The following BCAS3 variants were observed in gnomAD, a reference collection of about 807,000 sequenced individuals.
The protein encoded by BCAS3 is BCAS4/BCAS3 fusion.
A neutral mutation model predicts 116.1 loss-of-function variants in BCAS3; 53 were observed. The ratio of observed to expected loss-of-function variants is 0.46; its 90% CI spans 0.37 to 0.57. The LOEUF is 0.57. BCAS3 is among the 20% of genes least tolerant of loss of function. The probability of loss-of-function intolerance (pLI) is 0.00; values close to 1 mark genes in which losing one functional copy is unlikely to be tolerated. For missense variants in BCAS3, 917 were observed against 1,165.4 expected, an observed-to-expected ratio of 0.79 and a Z score of 3.10; for synonymous variants, 391 against 408.2, an observed-to-expected ratio of 0.96 and a Z score of 0.51.
intron 6 of BCAS3, among the ~76,000 whole-genome samples, chr17:60,783,806 C>T (rs1242255586): frequency 6.6e-6 from 1 of 152,124 alleles, no homozygotes; most frequent in Non-Finnish European, 1.5e-5. Context: ...TACAGAGTTT[C>T]CACATTAGTA....
intron 22 of BCAS3, among the ~76,000 whole-genome samples, chr17:61,264,344 A>T (rs1825531995): frequency 6.6e-6 from 1 of 151,984 alleles, no homozygotes; most frequent in Non-Finnish European, 1.5e-5. Flanking sequence ...AAAAATCATG[A>T]TATATTCATT....
At position 61,233,121 on chromosome 17, in the gene BCAS3, TA is replaced by T. The variant is rs1460999032; in HGVS notation, c.2426-135201del. 6.6e-6 allele frequency among the ~76,000 whole-genome samples: 1 copy of T among 152,184 alleles called. No individual in the cohort carries two copies. The highest frequency in any genetic ancestry group is 1.5e-5 in the Non-Finnish European group (1 of 68,036). ...GAGGGTGATAAACTTTGTTACCACT[TA>T]AAAAGGGGCTAAAAATACTTCTTTT... On this transcript the variant is annotated intron_variant, in intron 22 of 23. Transcript: ENST00000407086. The surrounding 1 kb of genome is among the most constrained non-coding windows in gnomAD (Gnocchi z 4.3).
Position 60,964,861 on chromosome 17 carries a change from G to T in BCAS3, c.1221+17509G>T, listed in dbSNP as rs2061575673. On this transcript the variant is annotated intron_variant, in intron 14 of 23. Transcript: ENST00000407086. This position sits in a 1 kb window ranked among gnomAD's most constrained non-coding sequence, Gnocchi z 4.6. Reference sequence around the variant, plus strand: ...TCATAGTAGTCTCTAATGATTTTTTGTGTTTCTGAGGTCTCAGTTGTTATG... The same window carrying T: ...TCATAGTAGTCTCTAATGATTTTTTTTGTTTCTGAGGTCTCAGTTGTTATG... 6.6e-6 allele frequency among the ~76,000 whole-genome samples: 1 copy of T among 151,926 alleles called. No individual in the cohort carries two copies. The highest frequency in any genetic ancestry group is 6.6e-5 in the Admixed American group (1 of 15,248).
rs2063665209 is a variant in BCAS3, at chr17:60,993,603, G to A, written c.1486+3368G>A. ...CTTCATGTTTTTTTGTATCTTACAT[G>A]TCATAACAAAATGGGCATTGTTGGT... On this transcript the variant is annotated intron_variant, in intron 15 of 23. Coordinates refer to ENST00000407086, the MANE Select transcript of BCAS3 (RefSeq NM_017679.5). This position sits in a 1 kb window ranked among gnomAD's most constrained non-coding sequence, Gnocchi z 4.2. Among the ~76,000 whole-genome samples the A allele has an allele frequency of 6.6e-6, 1 of 152,094 alleles. No individual in the cohort carries two copies. The highest frequency in any genetic ancestry group is 2.1e-4 in the South Asian group (1 of 4,820).
Position 60,945,947 on chromosome 17 carries a change from C to T in BCAS3, c.1088-1272C>T, listed in dbSNP as rs577021253. ...CATCCTGGCTAACATGGTGAAACCC[C>T]GTCTCTACTAAAAGTACAAAAAATT... On this transcript the variant is annotated intron_variant, in intron 13 of 23. Coordinates refer to ENST00000407086, the MANE Select transcript of BCAS3 (RefSeq NM_017679.5). Among the ~76,000 whole-genome samples, 285 of 151,926 alleles carry T rather than the reference C, an allele frequency of 1.9e-3. 1 individual carries two copies. The highest frequency in any genetic ancestry group is 6.6e-3 in the African/African-American group (272 of 41,404).
Position 61,282,046 on chromosome 17 carries a change from C to T in BCAS3, c.2426-86281C>T, listed in dbSNP as rs186196374. Among the ~76,000 whole-genome samples, 4 of 152,308 alleles carry T rather than the reference C, an allele frequency of 2.6e-5. No homozygotes were observed. The highest frequency in any genetic ancestry group is 9.6e-5 in the African/African-American group (4 of 41,580). On this transcript the variant is annotated intron_variant, in intron 22 of 23. Transcript: ENST00000407086. This position sits in a 1 kb window ranked among gnomAD's most constrained non-coding sequence, Gnocchi z 5.9. ...ACCTCATTGACAACTAACTATAACA[C>T]ATTCAAACTAGTTACTAGGTACCTG...
At chr17:61,310,675 A>T (rs2054231173) in intron 22 of BCAS3, among the ~76,000 whole-genome samples, 1 of 152,208 alleles carries the variant, frequency 6.6e-6, no homozygotes, top group Admixed American at 6.5e-5. Context: ...CCGAGCTATG[A>T]ACCAAAAATT....
chr17:60,706,712 T>C (rs542189635), intron 4 of BCAS3, among the ~76,000 whole-genome samples: 261 of 151,918 alleles, frequency 1.7e-3, no homozygotes, highest in African/African-American at 6.2e-3. Flanking sequence ...TGAGCTGAGA[T>C]TGTGCCACTG....
At chr17:61,272,632 GTC>G (rs2050382484) in intron 22 of BCAS3, among the ~76,000 whole-genome samples, 1 of 45,068 alleles carries the variant, frequency 2.2e-5, no homozygotes, top group Non-Finnish European at 3.8e-5. Flanking sequence ...GTGAAACCCT[GTC>G]TCAAAAAAAA....
intron 7 of BCAS3, among the ~76,000 whole-genome samples, chr17:60,850,345 GTTTTTTTTTTTTTTTTT>G (rs10573405): frequency 5.3e-5 from 2 of 37,734 alleles, no homozygotes; most frequent in African/African-American, 1.4e-4. Context: ...TGGCACCACT[GTTTTTTTTTTTTTTTTT>G]TTTTTTTTTT....
chr17:60,924,918 C>G (rs908053950), intron 13 of BCAS3, among the ~76,000 whole-genome samples: 3 of 150,098 alleles, frequency 2.0e-5, no homozygotes, highest in Admixed American at 6.6e-5. Flanking sequence ...TTTAGTGGTG[C>G]TCTTTTTCTT....
chr17:61,267,604 ATGTGTGCCTGT>A (rs2049847220), intron 22 of BCAS3, among the ~76,000 whole-genome samples: 2 of 147,576 alleles, frequency 1.4e-5, no homozygotes, highest in Non-Finnish European at 3.0e-5. Flanking sequence ...GGGCATGGTG[ATGTGTGCCTGT>A]AATCCTCCTG....
chr17:60,830,090 C>T (rs1331030332), intron 7 of BCAS3, among the ~76,000 whole-genome samples: 1 of 152,170 alleles, frequency 6.6e-6, no homozygotes, highest in Non-Finnish European at 1.5e-5. Flanking sequence ...CTCCTGGGTT[C>T]AAGCGATTCT....
chr17:61,293,208 T>C lies in BCAS3; in HGVS notation c.2426-75119T>C, dbSNP rs56306789. Among the ~76,000 whole-genome samples the C allele has an allele frequency of 7.0e-3, 1,069 of 152,302 alleles. 10 individuals are homozygous for C. Among genetic ancestry groups the C allele is most frequent in the African/African-American group, 0.024 (1,005 of 41,564 alleles). On this transcript the variant is annotated intron_variant, in intron 22 of 23. Coordinates refer to ENST00000407086, the MANE Select transcript of BCAS3 (RefSeq NM_017679.5). ...GAACAGGAGGTGGCCCCAACTTCAT[T>C]TGGGAACAAATGGAGGGAAAATTAA...
At chr17:60,858,276 C>T (rs116981531) in intron 7 of BCAS3, among the ~76,000 whole-genome samples, 3,631 of 152,218 alleles carry the variant, frequency 0.024, 64 homozygotes, top group Non-Finnish European at 0.041. Flanking sequence ...GATACACTAA[C>T]ATTTCTGTCA....
At chr17:60,798,157 C>T (rs541975734) in intron 6 of BCAS3, among the ~76,000 whole-genome samples, 5 of 152,228 alleles carry the variant, frequency 3.3e-5, no homozygotes, top group Admixed American at 6.5e-5. Context: ...GATGATCCTA[C>T]ACTGACACAT....
intron 22 of BCAS3, among the ~76,000 whole-genome samples, chr17:61,260,378 G>T (rs2049100287): frequency 6.6e-6 from 1 of 152,198 alleles, no homozygotes; most frequent in African/African-American, 2.4e-5. Context: ...TTCATTTTAA[G>T]GTCATCTGTT....
intron 22 of BCAS3, among the ~76,000 whole-genome samples, chr17:61,116,254 A>AAATC (rs1239018854): frequency 3.4e-4 from 12 of 35,406 alleles, no homozygotes; most frequent in South Asian, 2.3e-3. Context: ...AAAAATAAAT[A>AAATC]AATAAATAAA....
chr17:60,811,147 G>A (rs1462734318), intron 7 of BCAS3: 2 of 634,882 alleles, frequency 3.2e-6, no homozygotes, highest in Admixed American at 2.1e-5. Context: ...GAGGGAGGTG[G>A]AGGCCCACTA....
Sources: allele counts gnomAD v4.1 joint callset (sites outside exome capture counted in the v4.1 genomes callset), GRCh38; gene constraint gnomAD v4.1.1; non-coding constraint Gnocchi (gnomAD v3.1); transcripts MANE v1.5; gene names NCBI Gene and HGNC (gene_info 2026-07-23, HGNC 2026-07-21).